Variants in CD40 observed in about 807,000 individuals in gnomAD.
The protein encoded by CD40 is tumor necrosis factor receptor superfamily member 5.
A neutral mutation model predicts 38.5 loss-of-function variants in CD40; 19 were observed. That is an observed-to-expected ratio of 0.49 (90% CI 0.34 to 0.72). The LOEUF is 0.72. Among genes scored for constraint, CD40 ranks in the 30% least tolerant of loss-of-function variants. The pLI is 0.01. For missense variants in CD40, 256 were observed against 344.1 expected, an observed-to-expected ratio of 0.74 and a Z score of 2.03; for synonymous variants, 130 against 128.7, an observed-to-expected ratio of 1.01 and a Z score of -0.07.
In CD40 at chr20:46,124,899, T is replaced by C. The variant is rs1289160686; in HGVS notation, c.497+1680T>C. ...CTCCTGCCTCAGCCTCCTGAGTAGC[T>C]GGGACTATAGGCGCCCGCCACCACA... On this transcript the variant is annotated intron_variant, in intron 5 of 8. Transcript: ENST00000372285. 4.6e-5 allele frequency among the ~76,000 whole-genome samples: 7 copies of C among 151,484 alleles called. No homozygotes were observed. The East Asian group carries it at 1.4e-3, about 30-fold the overall frequency.
At chr20:46,128,303 C>CAT (rs1568912329) in intron 7 of CD40, 27 bp from the exon 8 acceptor site, 1 of 1,354,576 alleles carries the variant, frequency 7.4e-7, no homozygotes, top group Non-Finnish European at 1.0e-6. Context: ...AACTCCCCAT[C>CAT]CTTTTTTTTT....
At position 46,129,063 on chromosome 20, in the gene CD40, G is replaced by A; in HGVS notation, c.*23G>A. ...TGAGGCTGCACCCACCCAGGAGTGT[G>A]GCCACGTGGGCAAACAGGCAGTTGG... On this transcript the variant is annotated 3_prime_UTR_variant, in exon 9 of 9. Coordinates refer to ENST00000372285, the MANE Select transcript of CD40 (RefSeq NM_001250.6). The A allele has an allele frequency of 6.2e-7, 1 of 1,613,370 alleles. No homozygotes were observed. Among genetic ancestry groups the A allele is most frequent in the Non-Finnish European group, 8.5e-7 (1 of 1,179,706 alleles).
At chr20:46,128,099 G>T in intron 6 of CD40, 39 bp from the exon 7 acceptor site, 1 of 1,614,102 alleles carries the variant, frequency 6.2e-7, no homozygotes, top group East Asian at 2.2e-5. Flanking sequence ...GGGAGAAACT[G>T]CAGGTGAGGG....
chr20:46,122,866 C>T lies in CD40; in HGVS notation c.403+110C>T. The T allele has an allele frequency of 2.1e-6, 3 of 1,399,026 alleles. No individual in the cohort carries two copies. The highest frequency in any genetic ancestry group is 3.0e-6 in the Non-Finnish European group (3 of 1,011,854). 86.7% of individuals were successfully genotyped at this position (1,399,026 alleles called of 1,614,324 possible). Reference sequence around the variant, plus strand: ...GCCCCAGAGGCAGAGGAAGCAGAGGCTCCAACCTATGTCGGTATCCCCACT... The same window carrying T: ...GCCCCAGAGGCAGAGGAAGCAGAGGTTCCAACCTATGTCGGTATCCCCACT... On this transcript the variant is annotated intron_variant, in intron 4 of 8. Coordinates refer to ENST00000372285, the MANE Select transcript of CD40 (RefSeq NM_001250.6). The surrounding 1 kb of genome is among the most constrained non-coding windows in gnomAD (Gnocchi z 5.0).
chr20:46,125,687 A>C (rs944195860), intron 5 of CD40, among the ~76,000 whole-genome samples: 1 of 151,822 alleles, frequency 6.6e-6, no homozygotes, highest in African/African-American at 2.4e-5. Context: ...CACCTGGACC[A>C]GGTCTTCATC....
At chr20:46,118,614 G>A (rs1214618123) in intron 1 of CD40, among the ~76,000 whole-genome samples, 1 of 152,188 alleles carries the variant, frequency 6.6e-6, no homozygotes, top group Admixed American at 6.5e-5. Flanking sequence ...GGGCCGCTCA[G>A]GGAAGGCACT....
chr20:46,127,748 C>T (rs554473622), intron 6 of CD40, among the ~76,000 whole-genome samples: 2 of 152,056 alleles, frequency 1.3e-5, no homozygotes, highest in African/African-American at 2.4e-5. Flanking sequence ...TGCTAGACCT[C>T]GGCATTGGGC....
chr20:46,122,597 C>T lies in CD40; in HGVS notation c.257-13C>T, dbSNP rs571974174. On this transcript the variant is annotated splice_polypyrimidine_tract_variant and intron_variant, in intron 3 of 8. Transcript: ENST00000372285. This position sits in a 1 kb window ranked among gnomAD's most constrained non-coding sequence, Gnocchi z 5.0. Reference sequence around the variant, plus strand: ...GCAGGGGGTTCCCATCCTTCCTGCCCTTCTCTTCTCAGACCTAGGGCTTCG... The same window carrying T: ...GCAGGGGGTTCCCATCCTTCCTGCCTTTCTCTTCTCAGACCTAGGGCTTCG... 2.5e-6 allele frequency: 4 copies of T among 1,614,128 alleles called. No individual in the cohort carries two copies. Among genetic ancestry groups the T allele is most frequent in the Admixed American group, 1.7e-5 (1 of 60,022 alleles).
intron 1 of CD40, among the ~76,000 whole-genome samples, chr20:46,120,572 G>A (rs2085297732): frequency 6.6e-6 from 1 of 152,224 alleles, no homozygotes; most frequent in African/African-American, 2.4e-5. Context: ...TAGAGTTAAT[G>A]CCTCTCAAAG....
At chr20:46,126,615 C>T in intron 5 of CD40, 25 bp from the exon 6 acceptor site, 1 of 1,613,780 alleles carries the variant, frequency 6.2e-7, no homozygotes, top group Non-Finnish European at 8.5e-7. Context: ...TGTGTGTGTG[C>T]ATTTGTGCAC....
In CD40 at chr20:46,124,781, T is replaced by TTTTA. The variant is rs2085395749; in HGVS notation, c.497+1565_497+1566insATTT. On this transcript the variant is annotated intron_variant, in intron 5 of 8. Transcript: ENST00000372285. ...TTTTTTTTTTTTTTTTTTTTTTTTT[T>TTTTA]TTTGAGACAGAGTCTCACTCTGTCG... Among the ~76,000 whole-genome samples, 2 of 124,402 alleles carry TTTTA rather than the reference T, an allele frequency of 1.6e-5. 1 individual carries two copies. The highest frequency in any genetic ancestry group is 5.4e-4 in the South Asian group (2 of 3,708). 81.6% of individuals were successfully genotyped at this position (124,402 alleles called of 152,430 possible).
At chr20:46,126,471 C>G (rs866394480) in intron 5 of CD40, among the ~76,000 whole-genome samples, 169 bp from the exon 6 acceptor site, 24 of 152,220 alleles carry the variant, frequency 1.6e-4, no homozygotes, top group African/African-American at 5.5e-4. Flanking sequence ...GAGTCTGTGT[C>G]GTTCCTATAA....
chr20:46,121,983 C>G (rs1355194307), intron 2 of CD40, 85 bp downstream of exon 2: 1 of 1,221,092 alleles, frequency 8.2e-7, no homozygotes, highest in East Asian at 2.3e-5. Flanking sequence ...ACTGTAAACT[C>G]AAATCTGAAA....
At chr20:46,124,676 A>G (rs571688909) in intron 5 of CD40, among the ~76,000 whole-genome samples, 1 of 150,334 alleles carries the variant, frequency 6.7e-6, no homozygotes, top group South Asian at 2.1e-4. Context: ...TACCTGGAAC[A>G]GTACCTGACG....
In CD40 at chr20:46,122,881, G is replaced by A; in HGVS notation, c.403+125G>A. On this transcript the variant is annotated intron_variant, in intron 4 of 8. Coordinates refer to ENST00000372285, the MANE Select transcript of CD40 (RefSeq NM_001250.6). This position sits in a 1 kb window ranked among gnomAD's most constrained non-coding sequence, Gnocchi z 5.0. ...GAAGCAGAGGCTCCAACCTATGTCG[G>A]TATCCCCACTGGAGTGAGCTGCAGA... The A allele has an allele frequency of 2.4e-6, 3 of 1,253,626 alleles. No individual in the cohort carries two copies. Among genetic ancestry groups the A allele is most frequent in the African/African-American group, 1.5e-5 (1 of 67,458 alleles). 77.7% of individuals were successfully genotyped at this position (1,253,626 alleles called of 1,614,324 possible).
chr20:46,124,514 C>T (rs2085383172), intron 5 of CD40, among the ~76,000 whole-genome samples: 1 of 151,930 alleles, frequency 6.6e-6, no homozygotes, highest in African/African-American at 2.4e-5. Context: ...CACACACACA[C>T]ACAAACACAC....
rs1251770264 is a variant in CD40 at position 46,122,808 on chromosome 20, G to A, written c.403+52G>A. 1 of 1,608,948 alleles carries A rather than the reference G, an allele frequency of 6.2e-7. No individual in the cohort carries two copies. The highest frequency in any genetic ancestry group is 1.3e-5 in the African/African-American group (1 of 74,810). On this transcript the variant is annotated intron_variant, in intron 4 of 8. Transcript: ENST00000372285. The surrounding 1 kb of genome is among the most constrained non-coding windows in gnomAD (Gnocchi z 5.0). ...TTGGAGGGGGACAGAGGAGCTTAGGGCCCAAGGTGAGGGGCTGGGCAGTGG... is the reference window on the plus strand; with the variant it reads ...TTGGAGGGGGACAGAGGAGCTTAGGACCCAAGGTGAGGGGCTGGGCAGTGG...
In CD40 at chr20:46,128,884, C is replaced by T. The variant is rs1183449678; in HGVS notation, c.678C>T (p.Ala226=). 6.2e-7 allele frequency: 1 copy of T among 1,613,922 alleles called. No individual in the cohort carries two copies. Among genetic ancestry groups the T allele is most frequent in the Non-Finnish European group, 8.5e-7 (1 of 1,179,956 alleles). Residue 226 remains alanine (A), a splice_region_variant and synonymous_variant, in exon 9 of 9, where the codon GCC becomes GCT. Transcript: ENST00000372285. ...KKVAKKPTNK[A]PHPKQEPQEI... ...GACCTCACACCTTGCCTCTCCAGGC[C>T]CCCCACCCCAAGCAGGAACCCCAGG...
chr20:46,121,676 T>A lies in CD40; in HGVS notation c.52-144T>A, dbSNP rs1006437521. 7.9e-6 allele frequency: 6 copies of A among 756,384 alleles called. No individual in the cohort carries two copies. The African/African-American group carries it at 1.0e-4, about 13-fold the overall frequency. 46.9% of individuals were successfully genotyped at this position (756,384 alleles called of 1,614,324 possible). On this transcript the variant is annotated intron_variant, in intron 1 of 8. Transcript: ENST00000372285. ...TTGACAATTTACTTGAAAACAAACATGCCAAATATCATGCAGGTTCCACTT... is the reference window on the plus strand; with the variant it reads ...TTGACAATTTACTTGAAAACAAACAAGCCAAATATCATGCAGGTTCCACTT...
Sources: gnomAD v4.1 joint callset for allele counts (sites outside exome capture counted in the v4.1 genomes callset) on GRCh38, gnomAD v4.1.1 for gene constraint, Gnocchi (gnomAD v3.1) non-coding constraint, MANE v1.5 for transcripts, NCBI Gene and HGNC (gene_info 2026-07-23, HGNC 2026-07-21) for gene names.